Variants in ADGRG5 observed in about 807,000 individuals in gnomAD.
ADGRG5 encodes G protein-coupled receptor 114.
A neutral mutation model predicts 53.2 loss-of-function variants in ADGRG5; 37 were observed. The ratio of observed to expected loss-of-function variants is 0.70; its 90% CI spans 0.53 to 0.91. The LOEUF (loss-of-function observed/expected upper bound fraction) is 0.91, where lower values mean the gene tolerates loss of function less well. ADGRG5 is among the 40% of genes least tolerant of loss of function. The pLI is 0.00. For synonymous variants in ADGRG5, 277 were observed against 290.4 expected, an observed-to-expected ratio of 0.95 and a Z score of 0.47; for missense variants, 614 against 675.8, an observed-to-expected ratio of 0.91 and a Z score of 1.01.
intron 1 of ADGRG5, 39 bp from the exon 2 acceptor site, chr16:57,562,017 C>G: frequency 8.1e-7 from 1 of 1,234,524 alleles, no homozygotes; most frequent in Non-Finnish European, 1.1e-6. Context: ...TTAGAGGTTG[C>G]TCTTTTATCA....
the ADGRG5 span, among the ~76,000 whole-genome samples, chr16:57,535,877 G>A: frequency 9.9e-5 from 15 of 152,150 alleles, no homozygotes; most frequent in Non-Finnish European, 2.1e-4. Flanking sequence ...CTGGGAGAGC[G>A]GGGGTGGGAA....
rs140617670 is a variant in ADGRG5 at position 57,566,659 on chromosome 16, G to C, written c.607G>C (p.Gly203Arg). ...KEGARKQPWG[G>R]WSPEGCRTEQ... ...GGGAGCCAGGAAACAGCCCTGGGGGGGCTGGAGCCCTGAGGGCTGTCGTAC... is the reference window on the plus strand; with the variant it reads ...GGGAGCCAGGAAACAGCCCTGGGGGCGCTGGAGCCCTGAGGGCTGTCGTAC... The change falls in exon 7 of 12, where the codon GGC becomes CGC. Residue 203 changes from glycine (G) to arginine (R), a missense_variant. Transcript: ENST00000349457. 8.1e-5 allele frequency: 129 copies of C among 1,591,982 alleles called. No individual in the cohort carries two copies. Among genetic ancestry groups the C allele is most frequent in the African/African-American group, 1.8e-4 (13 of 73,932 alleles).
intron 1 of ADGRG5, among the ~76,000 whole-genome samples, chr16:57,549,890 G>T (rs1345683273): frequency 6.6e-6 from 1 of 152,144 alleles, no homozygotes; most frequent in African/African-American, 2.4e-5. Context: ...ATTCTAGAAG[G>T]TGTGTAGTGA....
intron 1 of ADGRG5, among the ~76,000 whole-genome samples, chr16:57,548,422 C>G (rs1335040788): frequency 6.6e-6 from 1 of 152,108 alleles, no homozygotes; most frequent in African/African-American, 2.4e-5. Context: ...ATTATACTCA[C>G]TCATTTATGT....
upstream of ADGRG5, among the ~76,000 whole-genome samples, chr16:57,539,142 C>T (rs56815477): frequency 5.2e-3 from 789 of 152,222 alleles, 28 homozygotes; most frequent in East Asian, 0.1. Flanking sequence ...TGTGATTCAA[C>T]CTTTAAAAGG....
At chr16:57,534,891 C>T in the ADGRG5 span, among the ~76,000 whole-genome samples, 3 of 152,286 alleles carry the variant, frequency 2.0e-5, no homozygotes, top group African/African-American at 4.8e-5. Context: ...CTGGGAACAG[C>T]GTTGTGTTTT....
intron 9 of ADGRG5, among the ~76,000 whole-genome samples, chr16:57,570,057 C>T (rs979341280): frequency 1.4e-4 from 22 of 152,076 alleles, no homozygotes; most frequent in African/African-American, 5.1e-4. Flanking sequence ...CCTCCACCTT[C>T]TCTATCTCCA....
intron 6 of ADGRG5, 118 bp downstream of exon 6, chr16:57,565,268 T>G: frequency 1.5e-6 from 1 of 666,530 alleles, no homozygotes; most frequent in Non-Finnish European, 2.7e-6. Context: ...CATCACACTT[T>G]GAAAATTCCT....
At chr16:57,575,117 G>A in intron 11 of ADGRG5, 25 bp downstream of exon 11, 2 of 1,595,156 alleles carry the variant, frequency 1.3e-6, no homozygotes, top group East Asian at 2.2e-5. Context: ...CGGCCTGGAG[G>A]AAGCTACCTG....
At chr16:57,546,318 A>G (rs1330740461) in intron 1 of ADGRG5, among the ~76,000 whole-genome samples, 1 of 151,926 alleles carries the variant, frequency 6.6e-6, no homozygotes, top group Non-Finnish European at 1.5e-5. Context: ...TAGAGACAAG[A>G]TCTTGCTATG....
chr16:57,573,492 T>G (rs1448373189), intron 10 of ADGRG5, among the ~76,000 whole-genome samples: 1 of 151,116 alleles, frequency 6.6e-6, no homozygotes, highest in East Asian at 1.9e-4. Context: ...AGAGATTGAT[T>G]GAAAATGAAA....
intron 9 of ADGRG5, among the ~76,000 whole-genome samples, chr16:57,568,669 T>A (rs2146818507): frequency 7.8e-6 from 1 of 127,446 alleles, no homozygotes; most frequent in East Asian, 2.6e-4. Context: ...CTCCTTCACC[T>A]CCACCACCAC....
chr16:57,569,562 C>T (rs1255179449), intron 9 of ADGRG5, among the ~76,000 whole-genome samples: 1 of 151,780 alleles, frequency 6.6e-6, no homozygotes, highest in Non-Finnish European at 1.5e-5. Context: ...CCATTATCAC[C>T]TCCTCTACCT....
chr16:57,538,959 AAAC>A (rs1465702635), upstream of ADGRG5, among the ~76,000 whole-genome samples: 7 of 152,248 alleles, frequency 4.6e-5, no homozygotes, highest in Admixed American at 3.3e-4. Context: ...TATGCAAATA[AAAC>A]AACGTTAGTA....
chr16:57,553,972 A>G (rs2032814071), intron 1 of ADGRG5, among the ~76,000 whole-genome samples: 1 of 152,218 alleles, frequency 6.6e-6, no homozygotes, highest in African/African-American at 2.4e-5. Context: ...TGGAAGAATT[A>G]ATCAGTGAGG....
At chr16:57,570,055 T>C (rs1318983826) in intron 9 of ADGRG5, among the ~76,000 whole-genome samples, 1 of 151,846 alleles carries the variant, frequency 6.6e-6, no homozygotes, top group African/African-American at 2.4e-5. Context: ...TTCCTCCACC[T>C]TCTCTATCTC....
intron 9 of ADGRG5, 30 bp downstream of exon 9, chr16:57,568,154 A>G (rs779948287): frequency 1.2e-6 from 2 of 1,609,288 alleles, no homozygotes; most frequent in African/African-American, 2.7e-5. Context: ...TCGCCTCCTC[A>G]GACTTCCAGG....
intron 7 of ADGRG5, among the ~76,000 whole-genome samples, chr16:57,567,018 T>C (rs1293763475): frequency 4.6e-5 from 7 of 152,288 alleles, no homozygotes; most frequent in African/African-American, 1.4e-4. Context: ...GGCTTAGCCC[T>C]CAAATAGGAT....
chr16:57,572,536 A>G (rs1329596130), intron 10 of ADGRG5, among the ~76,000 whole-genome samples: 1 of 151,866 alleles, frequency 6.6e-6, no homozygotes, highest in African/African-American at 2.4e-5. Flanking sequence ...TACTAAAAAT[A>G]CAAAAATTAG....
Sources: gnomAD v4.1 joint callset for allele counts (sites outside exome capture counted in the v4.1 genomes callset) on GRCh38, gnomAD v4.1.1 for gene constraint, MANE v1.5 for transcripts, NCBI Gene and HGNC (gene_info 2026-07-23, HGNC 2026-07-21) for gene names.